Variants in KIAA1217 observed in about 807,000 individuals in gnomAD.
The protein encoded by KIAA1217 is KIAA1217, also known as sickle tail protein homolog.
Under a neutral mutation model 163.9 loss-of-function variants are expected in KIAA1217, and 88 were observed. That is an observed-to-expected ratio of 0.54 (90% confidence interval 0.45 to 0.64). KIAA1217 has a LOEUF of 0.64. KIAA1217 is among the 30% of genes least tolerant of loss of function. The probability of loss-of-function intolerance (pLI) is 0.00; values close to 1 mark genes in which losing one functional copy is unlikely to be tolerated. For missense variants in KIAA1217, 2,372 were observed against 2,475.0 expected (o/e 0.96, Z 0.88); for synonymous variants, 903 against 923.1 (o/e 0.98, Z 0.39).
At chr10:24,409,330 G>A (rs1417469885) in intron 3 of KIAA1217, among the ~76,000 whole-genome samples, 1 of 152,182 alleles carries the variant, frequency 6.6e-6, no homozygotes, top group Non-Finnish European at 1.5e-5. Flanking sequence ...TCAAGATAAT[G>A]ATGCAGAATG....
chr10:24,430,692 C>T (rs2059535287), intron 3 of KIAA1217, among the ~76,000 whole-genome samples: 1 of 152,208 alleles, frequency 6.6e-6, no homozygotes, highest in Non-Finnish European at 1.5e-5. Flanking sequence ...CGCATGCAAC[C>T]TAGATCCCTC....
rs538572449 is a variant in KIAA1217, at chr10:24,404,106, C to T, written c.553+23039C>T. On this transcript the variant is annotated intron_variant, in intron 3 of 20. Transcript: ENST00000376454. Reference sequence around the variant, plus strand: ...CTGACTAGCTGGGACTAAAGGAGCACGCCACCATGCCCAGCTAATTTTTTG... The same window carrying T: ...CTGACTAGCTGGGACTAAAGGAGCATGCCACCATGCCCAGCTAATTTTTTG... Among the ~76,000 whole-genome samples the T allele has an allele frequency of 1.9e-3, 292 of 152,246 alleles. 2 individuals carry two copies. The highest frequency in any genetic ancestry group is 6.8e-3 in the African/African-American group (281 of 41,562).
intron 2 of KIAA1217, among the ~76,000 whole-genome samples, chr10:24,070,213 C>T (rs972762434): frequency 6.6e-6 from 1 of 151,470 alleles, no homozygotes; most frequent in African/African-American, 2.4e-5. Flanking sequence ...AACTAGATGG[C>T]CAGAAGGAGA....
chr10:24,112,411 G>C (rs1170974509), intron 2 of KIAA1217, among the ~76,000 whole-genome samples: 1 of 152,122 alleles, frequency 6.6e-6, no homozygotes, highest in African/African-American at 2.4e-5. Context: ...ATAGGCTCAA[G>C]TATATAGCCT....
intron 1 of KIAA1217, among the ~76,000 whole-genome samples, chr10:23,972,512 G>A (rs4748921): frequency 0.61 from 91,881 of 151,042 alleles, 29,727 homozygotes; most frequent in African/African-American, 0.85. Context: ...TAACACAAGA[G>A]CAGAAAACCA....
At chr10:24,143,540 G>A (rs546475548) in intron 2 of KIAA1217, among the ~76,000 whole-genome samples, 82 of 152,154 alleles carry the variant, frequency 5.4e-4, no homozygotes, top group Non-Finnish European at 1.0e-3. Flanking sequence ...TGGGATTACA[G>A]GCATGAGCTA....
At chr10:23,804,158 CT>C (rs1005258163) in intron 1 of KIAA1217, among the ~76,000 whole-genome samples, 5 of 151,594 alleles carry the variant, frequency 3.3e-5, no homozygotes, top group Non-Finnish European at 7.4e-5. Flanking sequence ...TCAACCAGCA[CT>C]TTTTTTTTCT....
Position 24,507,692 on chromosome 10 carries a change from A to G in KIAA1217, c.2002-5567A>G, listed in dbSNP as rs73604497. Among the ~76,000 whole-genome samples, 1,376 of 152,340 alleles carry G rather than the reference A, an allele frequency of 9.0e-3. 23 individuals carry two copies. Among genetic ancestry groups the G allele is most frequent in the African/African-American group, 0.031 (1,284 of 41,582 alleles). ...AAGTGGAAAGAGAAAAATATTCAAA[A>G]AGGTAATGACTGAATTTTTTCCAAA... On this transcript the variant is annotated intron_variant, in intron 9 of 20. Coordinates refer to ENST00000376454, the MANE Select transcript of KIAA1217 (RefSeq NM_019590.5).
At chr10:24,274,279 A>G (rs1019084203) in intron 2 of KIAA1217, among the ~76,000 whole-genome samples, 1 of 152,176 alleles carries the variant, frequency 6.6e-6, no homozygotes, top group Non-Finnish European at 1.5e-5. Flanking sequence ...ACTTGAGGTC[A>G]GGAGTTCATG....
upstream of KIAA1217, chr10:24,208,838 GGTA>G (rs1339081151): frequency 2.6e-5 from 6 of 229,986 alleles, no homozygotes; most frequent in Admixed American, 2.6e-4. Context: ...CCCAGTTGTG[GGTA>G]GGAGAGGCCG....
intron 1 of KIAA1217, among the ~76,000 whole-genome samples, chr10:23,756,351 A>G (rs1833918822): frequency 6.6e-6 from 1 of 152,202 alleles, no homozygotes; most frequent in South Asian, 2.1e-4. Flanking sequence ...ATATTTTAAA[A>G]AACAACATTG....
At chr10:23,719,646 A>C (rs923158046) in intron 1 of KIAA1217, among the ~76,000 whole-genome samples, 10 of 150,674 alleles carry the variant, frequency 6.6e-5, no homozygotes, top group African/African-American at 2.5e-4. Flanking sequence ...GGCTATATCT[A>C]TATATATCAC....
At chr10:24,380,319 G>A (rs552274734) in intron 2 of KIAA1217, among the ~76,000 whole-genome samples, 27 of 152,158 alleles carry the variant, frequency 1.8e-4, no homozygotes, top group African/African-American at 6.0e-4. Flanking sequence ...CACCACATAA[G>A]TCAAACAATA....
intron 2 of KIAA1217, among the ~76,000 whole-genome samples, chr10:24,308,453 C>T (rs528879077): frequency 3.9e-5 from 6 of 152,312 alleles, no homozygotes; most frequent in African/African-American, 9.6e-5. Flanking sequence ...GACAACTGGA[C>T]GAAGGCCAGT....
In KIAA1217 at chr10:23,728,292, G is replaced by T. The variant is rs1396912052; in HGVS notation, c.-321+33058G>T. Among the ~76,000 whole-genome samples the T allele has an allele frequency of 5.9e-5, 9 of 152,262 alleles. No individual in the cohort carries two copies. The Middle Eastern group carries it at 0.017, about 288-fold the overall frequency. On this transcript the variant is annotated intron_variant, in intron 1 of 18. Transcript: ENST00000376462. ...TTACACTCCCACCAATAGCGTGAAAGTGTTCCTATTTCTCCACATCCTCTC... is the reference window on the plus strand; with the variant it reads ...TTACACTCCCACCAATAGCGTGAAATTGTTCCTATTTCTCCACATCCTCTC...
intron 2 of KIAA1217, among the ~76,000 whole-genome samples, chr10:24,224,248 T>A (rs2070126162): frequency 6.6e-6 from 1 of 152,224 alleles, no homozygotes; most frequent in Non-Finnish European, 1.5e-5. Flanking sequence ...AAGGGCTTGG[T>A]TTGGATGCAG....
intron 1 of KIAA1217, among the ~76,000 whole-genome samples, chr10:23,842,869 A>G (rs1055675228): frequency 1.3e-5 from 2 of 152,176 alleles, no homozygotes; most frequent in Non-Finnish European, 2.9e-5. Context: ...TGTCACAACA[A>G]TTCTAAGTTT....
In KIAA1217 at chr10:24,111,519, C is replaced by T. The variant is rs540037601; in HGVS notation, c.-171+104145C>T. On this transcript the variant is annotated intron_variant, in intron 2 of 18. Transcript: ENST00000376462. ...CTTTAAGGAATTAGATCTCATTGAACTAGAAAAAACTATCTAAAATAGCTT... is the reference window on the plus strand; with the variant it reads ...CTTTAAGGAATTAGATCTCATTGAATTAGAAAAAACTATCTAAAATAGCTT... 2.8e-4 allele frequency among the ~76,000 whole-genome samples: 43 copies of T among 152,220 alleles called. No individual in the cohort carries two copies. In the South Asian group the frequency reaches 8.5e-3, roughly 30 times the overall value.
At chr10:24,284,030 C>G (rs2078272529) in intron 2 of KIAA1217, among the ~76,000 whole-genome samples, 1 of 152,034 alleles carries the variant, frequency 6.6e-6, no homozygotes, top group South Asian at 2.1e-4. Context: ...CTGCCTCAGC[C>G]TCCCGAGTAG....
Sources: allele counts gnomAD v4.1 joint callset (sites outside exome capture counted in the v4.1 genomes callset), GRCh38; gene constraint gnomAD v4.1.1; transcripts MANE v1.5; gene names NCBI Gene and HGNC (gene_info 2026-07-23, HGNC 2026-07-21).